The following IGSF10 variants were observed in gnomAD, a reference collection of about 807,000 sequenced individuals.
IGSF10 encodes immunoglobulin superfamily member 10, also known as calvaria mechanical force protein 608.
A neutral mutation model predicts 128.2 loss-of-function variants in IGSF10; 126 were observed. That is an observed-to-expected ratio of 0.98 (90% CI 0.85 to 1.14). The LOEUF is 1.14. Among genes scored for constraint, IGSF10 ranks in the 50% most tolerant of loss-of-function variants. The pLI is 0.00. For missense variants in IGSF10, 3,295 were observed against 3,149.8 expected (o/e 1.05, Z -1.10); for synonymous variants, 1,185 against 1,146.2 (o/e 1.03, Z -0.68).
the IGSF10 span, among the ~76,000 whole-genome samples, chr3:151,479,063 A>C: frequency 6.6e-6 from 1 of 152,228 alleles, no homozygotes; most frequent in African/African-American, 2.4e-5. Context: ...GAGGAAAGTC[A>C]TGCCTGCAAA....
At chr3:151,481,535 A>T in the IGSF10 span, among the ~76,000 whole-genome samples, 2 of 152,142 alleles carry the variant, frequency 1.3e-5, no homozygotes, top group Non-Finnish European at 2.9e-5. Context: ...TCACAGCTAT[A>T]TCTCAGGACT....
At chr3:151,494,930 G>C in the IGSF10 span, among the ~76,000 whole-genome samples, 2 of 152,016 alleles carry the variant, frequency 1.3e-5, no homozygotes, top group Non-Finnish European at 2.9e-5. Context: ...TCTGGGAAAG[G>C]CTTATTACTT....
chr3:151,563,985 A>G, the IGSF10 span, among the ~76,000 whole-genome samples: 2 of 152,160 alleles, frequency 1.3e-5, no homozygotes, highest in Non-Finnish European at 2.9e-5. Flanking sequence ...TCACCCAGCA[A>G]GAGGCAGAAC....
the IGSF10 span, among the ~76,000 whole-genome samples, chr3:151,521,466 C>G: frequency 1.3e-5 from 2 of 152,058 alleles, no homozygotes; most frequent in South Asian, 4.1e-4. Flanking sequence ...GGACATAAAA[C>G]AATCCTCAGC....
intron 4 of IGSF10, among the ~76,000 whole-genome samples, chr3:151,455,443 T>G (rs1340279739): frequency 1.4e-5 from 2 of 142,484 alleles, no homozygotes; most frequent in East Asian, 2.0e-4. Flanking sequence ...ATTTTGCACC[T>G]TAAAATAAAA....
Position 151,446,186 on chromosome 3 carries a change from A to G in IGSF10, c.3795T>C (p.Asn1265=). The change falls in exon 6 of 8, where the codon AAT becomes AAC. Residue 1265 remains asparagine, a synonymous_variant. Coordinates refer to ENST00000282466, the MANE Select transcript of IGSF10 (RefSeq NM_178822.5). The part of the protein sequence containing the change: ...LSTSVMQIPS[N]TLTTAHHTTT... ...TAGTGTGGTGAGCGGTAGTCAAGGT[A>G]TTAGATGGAATTTGCATCACACTTG... is the stretch of plus-strand genomic sequence containing the variant. The G allele has an allele frequency of 4.3e-6, 7 of 1,613,980 alleles. No individual in the cohort carries two copies. The highest frequency in any genetic ancestry group is 1.1e-5 in the South Asian group (1 of 91,042).
chr3:151,539,070 T>C, the IGSF10 span, among the ~76,000 whole-genome samples: 2 of 152,158 alleles, frequency 1.3e-5, no homozygotes, highest in African/African-American at 2.4e-5. Flanking sequence ...GATCAAAATA[T>C]CAGCTTCATT....
chr3:151,465,635 G>A (rs1475193580), upstream of IGSF10, among the ~76,000 whole-genome samples: 2 of 152,144 alleles, frequency 1.3e-5, no homozygotes, highest in Admixed American at 6.5e-5. Context: ...ATGGGAAATG[G>A]CAAATGAGGC....
chr3:151,576,237 A>G, the IGSF10 span, among the ~76,000 whole-genome samples: 1 of 151,900 alleles, frequency 6.6e-6, no homozygotes, highest in African/African-American at 2.4e-5. Flanking sequence ...CATTTTCATT[A>G]TACATTTTAG....
the IGSF10 span, among the ~76,000 whole-genome samples, chr3:151,496,556 G>GCGTATATGTGCCACA: frequency 2.9e-5 from 1 of 34,944 alleles, no homozygotes; most frequent in East Asian, 1.1e-3. Context: ...GTATTCCATG[G>GCGTATATGTGCCACA]TTTCCTTAAT....
the IGSF10 span, among the ~76,000 whole-genome samples, chr3:151,496,042 GA>G: frequency 1.3e-5 from 2 of 152,040 alleles, no homozygotes; most frequent in Admixed American, 1.3e-4. Context: ...GCCATTAGAG[GA>G]AAAAACTTAT....
chr3:151,554,961 G>A, the IGSF10 span, among the ~76,000 whole-genome samples: 1 of 152,094 alleles, frequency 6.6e-6, no homozygotes, highest in Non-Finnish European at 1.5e-5. Context: ...ACTACATTGT[G>A]GTAATAAATA....
At chr3:151,513,504 G>A in the IGSF10 span, among the ~76,000 whole-genome samples, 1 of 152,156 alleles carries the variant, frequency 6.6e-6, no homozygotes, top group Non-Finnish European at 1.5e-5. Context: ...CAGACCCTCA[G>A]CCAATATCAT....
At chr3:151,501,176 G>C in the IGSF10 span, among the ~76,000 whole-genome samples, 2 of 152,018 alleles carry the variant, frequency 1.3e-5, no homozygotes, top group African/African-American at 4.8e-5. Context: ...CATTGGAAAT[G>C]ATCCGTAAGG....
chr3:151,524,651 G>A, the IGSF10 span, among the ~76,000 whole-genome samples: 1 of 152,152 alleles, frequency 6.6e-6, no homozygotes, highest in Admixed American at 6.6e-5. Context: ...GAAGGAGGGA[G>A]AGGAACAGAG....
the IGSF10 span, among the ~76,000 whole-genome samples, chr3:151,580,898 G>A: frequency 6.6e-6 from 1 of 151,096 alleles, no homozygotes; most frequent in Admixed American, 6.6e-5. Flanking sequence ...GGTATCTATT[G>A]TCTTCTTTCT....
At chr3:151,471,723 A>G in the IGSF10 span, among the ~76,000 whole-genome samples, 3 of 152,202 alleles carry the variant, frequency 2.0e-5, no homozygotes, top group Admixed American at 6.5e-5. Context: ...TCCTTTTACT[A>G]TTGCAGGTTG....
the IGSF10 span, among the ~76,000 whole-genome samples, chr3:151,614,059 C>T: frequency 1.3e-5 from 2 of 152,156 alleles, no homozygotes; most frequent in African/African-American, 4.8e-5. Flanking sequence ...AGGCAAAAAA[C>T]ACATGAAAAA....
chr3:151,587,205 G>A, the IGSF10 span, among the ~76,000 whole-genome samples: 1 of 152,244 alleles, frequency 6.6e-6, no homozygotes, highest in South Asian at 2.1e-4. Context: ...GTGAAGCATG[G>A]TTCCTGCATT....
Sources: gnomAD v4.1 joint callset for allele counts (sites outside exome capture counted in the v4.1 genomes callset) on GRCh38, gnomAD v4.1.1 for gene constraint, MANE v1.5 for transcripts, NCBI Gene and HGNC (gene_info 2026-07-23, HGNC 2026-07-21) for gene names.